The following ZPBP variants were observed in gnomAD, a reference collection of about 807,000 sequenced individuals.
ZPBP encodes zona pellucida binding protein.
ZPBP carries 26 observed loss-of-function variants against 44.8 expected under a neutral mutation model. The observed-to-expected ratio is 0.58, with a 90% CI of 0.43 to 0.81. The LOEUF is 0.81. Among genes scored for constraint, ZPBP ranks in the 30% least tolerant of loss-of-function variants. ZPBP has a pLI of 0.00. For missense variants in ZPBP, 409 were observed against 434.0 expected (o/e 0.94, Z 0.51); for synonymous variants, 174 against 153.2 (o/e 1.14, Z -1.00).
intron 5 of ZPBP, among the ~76,000 whole-genome samples, chr7:50,026,626 C>T (rs549323765): frequency 3.1e-4 from 47 of 151,996 alleles, no homozygotes; most frequent in Non-Finnish European, 6.3e-4. Context: ...CTAAGATGGA[C>T]CCCAAGGTTA....
rs1797048743 is a variant in ZPBP at position 49,982,298 on chromosome 7, ATAATATATAAT to A, written c.961+1033_961+1043del. Among the ~76,000 whole-genome samples, 45 of 17,592 alleles carry A rather than the reference ATAATATATAAT, an allele frequency of 2.6e-3. 1 individual carries two copies. The South Asian group carries it at 0.051, about 20-fold the overall frequency. 11.5% of individuals were successfully genotyped at this position (17,592 alleles called of 152,430 possible). ...TAATTTATAATTATACATAATATAT[ATAATATATAAT>A]TATATAATATATAATTATATAATAT... On this transcript the variant is annotated intron_variant, in intron 7 of 7. Coordinates refer to ENST00000046087, the MANE Select transcript of ZPBP (RefSeq NM_007009.3).
intron 6 of ZPBP, among the ~76,000 whole-genome samples, chr7:50,006,398 T>C (rs1358588672): frequency 6.6e-6 from 1 of 151,930 alleles, no homozygotes; most frequent in African/African-American, 2.4e-5. Flanking sequence ...ATGTAAAAGG[T>C]TGAAATAATA....
downstream of ZPBP, among the ~76,000 whole-genome samples, chr7:49,848,989 T>C: frequency 6.6e-6 from 1 of 152,236 alleles, no homozygotes; most frequent in East Asian, 1.9e-4. Flanking sequence ...GTGTTGATTA[T>C]ATCTGCTCAA....
intron 6 of ZPBP, among the ~76,000 whole-genome samples, chr7:49,999,615 A>G (rs1372177014): frequency 6.6e-6 from 1 of 152,164 alleles, no homozygotes; most frequent in Non-Finnish European, 1.5e-5. Flanking sequence ...CTAAGTCCCA[A>G]TCCAAGTCCT....
At chr7:49,979,630 T>C (rs1292466686) in intron 7 of ZPBP, among the ~76,000 whole-genome samples, 2 of 151,228 alleles carry the variant, frequency 1.3e-5, no homozygotes, top group Admixed American at 6.6e-5. Context: ...AAACTACTAC[T>C]TCACTTGAAA....
At chr7:49,916,766 AC>A (rs1456245894) in intron 1 of ZPBP, 10 of 152,200 alleles carry the variant, frequency 6.6e-5, no homozygotes, top group Non-Finnish European at 1.5e-4. Context: ...CTGTTTGCCA[AC>A]CCAGTTGTCT....
intron 2 of ZPBP, among the ~76,000 whole-genome samples, chr7:49,895,041 A>G (rs1043867591): frequency 2.0e-5 from 3 of 152,254 alleles, no homozygotes; most frequent in African/African-American, 4.8e-5. Context: ...TCATGCTACT[A>G]TAACAAAATA....
rs1284619221 is a variant in ZPBP, at chr7:50,081,678, A to G, written c.334+96T>C. 6.3e-6 allele frequency: 9 copies of G among 1,433,204 alleles called. No individual in the cohort carries two copies. The African/African-American group carries it at 1.1e-4, about 18-fold the overall frequency. 88.8% of individuals were successfully genotyped at this position (1,433,204 alleles called of 1,614,324 possible). On this transcript the variant is annotated intron_variant, in intron 3 of 7. Transcript: ENST00000046087. ...AAATCACAAGAAAAAGAATTGAGGAAATAACATAAATATGTATGAGATACA... is the reference window on the plus strand; with the variant it reads ...AAATCACAAGAAAAAGAATTGAGGAGATAACATAAATATGTATGAGATACA...
intron 2 of ZPBP, among the ~76,000 whole-genome samples, chr7:49,893,243 A>G (rs1792220412): frequency 1.3e-5 from 2 of 152,158 alleles, no homozygotes; most frequent in African/African-American, 4.8e-5. Flanking sequence ...GGAGTTATGC[A>G]CTAGGTTCCA....
intron 7 of ZPBP, among the ~76,000 whole-genome samples, chr7:49,973,776 C>A (rs981386803): frequency 3.9e-5 from 6 of 151,982 alleles, no homozygotes; most frequent in African/African-American, 9.7e-5. Context: ...AAAGTTTGAC[C>A]TCTCATAGAA....
At chr7:49,999,127 T>C (rs1447060405) in intron 6 of ZPBP, among the ~76,000 whole-genome samples, 2 of 151,826 alleles carry the variant, frequency 1.3e-5, no homozygotes, top group Non-Finnish European at 2.9e-5. Context: ...GCATTTTGGG[T>C]AAGGGATACT....
At chr7:49,973,160 G>A (rs1796367097) in intron 7 of ZPBP, among the ~76,000 whole-genome samples, 1 of 151,536 alleles carries the variant, frequency 6.6e-6, no homozygotes, top group Admixed American at 6.6e-5. Context: ...CACTGAATTT[G>A]GCAACTACTC....
chr7:49,917,984 TC>T (rs1001133972), intron 1 of ZPBP: 1 of 152,178 alleles, frequency 6.6e-6, no homozygotes, highest in African/African-American at 2.4e-5. Flanking sequence ...GTGAAAAGTA[TC>T]CAGTAAGTAA....
At chr7:50,031,583 A>G (rs1433350976) in intron 4 of ZPBP, among the ~76,000 whole-genome samples, 1 of 152,134 alleles carries the variant, frequency 6.6e-6, no homozygotes, top group Non-Finnish European at 1.5e-5. Flanking sequence ...GGCAGGGATT[A>G]TGTCACATGT....
chr7:50,090,475 TTGTG>T (rs61591297), intron 1 of ZPBP, among the ~76,000 whole-genome samples: 117,669 of 150,234 alleles, frequency 0.78, 46,054 homozygotes, highest in East Asian at 0.88. Flanking sequence ...ATATTTATGT[TTGTG>T]TGTGTGTGTG....
chr7:49,877,105 A>C (rs542844592), intron 2 of ZPBP, among the ~76,000 whole-genome samples: 48 of 152,268 alleles, frequency 3.2e-4, no homozygotes, highest in Non-Finnish European at 5.0e-4. Context: ...TGTGAGAATC[A>C]AGTGAGAAAA....
At chr7:49,908,288 A>G (rs1485287312) in intron 1 of ZPBP, among the ~76,000 whole-genome samples, 1 of 152,170 alleles carries the variant, frequency 6.6e-6, no homozygotes, top group Non-Finnish European at 1.5e-5. Flanking sequence ...TTTCATCATG[A>G]CCTGAGACAG....
chr7:49,956,680 A>G (rs1795612009), intron 7 of ZPBP, among the ~76,000 whole-genome samples: 1 of 152,166 alleles, frequency 6.6e-6, no homozygotes, highest in East Asian at 1.9e-4. Flanking sequence ...TCATGGATCT[A>G]AAGATTTAAT....
intron 3 of ZPBP, among the ~76,000 whole-genome samples, chr7:50,070,849 C>T (rs892041739): frequency 7.2e-5 from 11 of 152,074 alleles, no homozygotes; most frequent in South Asian, 4.1e-4. Flanking sequence ...ACATGTTTTA[C>T]GACTTGAGTT....
Sources: allele counts gnomAD v4.1 joint callset (sites outside exome capture counted in the v4.1 genomes callset), GRCh38; gene constraint gnomAD v4.1.1; transcripts MANE v1.5; gene names NCBI Gene and HGNC (gene_info 2026-07-23, HGNC 2026-07-21).